Variants in LMNTD1 observed in about 807,000 individuals in gnomAD.
LMNTD1 encodes lamin tail domain-containing protein 1.
A neutral mutation model predicts 50.9 loss-of-function variants in LMNTD1; 35 were observed. The ratio of observed to expected loss-of-function variants is 0.69; its 90% CI spans 0.53 to 0.91. LMNTD1 has a LOEUF of 0.91. Ranked by LOEUF, LMNTD1 falls within the 40% of genes least tolerant of loss-of-function variation. The pLI, the probability that LMNTD1 is intolerant of heterozygous loss-of-function variation, is 0.00. For missense variants in LMNTD1, 470 were observed against 475.5 expected (o/e 0.99, Z 0.11); for synonymous variants, 153 against 161.9 (o/e 0.94, Z 0.42).
chr12:25,645,669 GAA>G (rs1248734413), intron 1 of LMNTD1, among the ~76,000 whole-genome samples: 3 of 152,184 alleles, frequency 2.0e-5, no homozygotes, highest in African/African-American at 7.2e-5. Context: ...ACAGCACAAG[GAA>G]AAGAGCTGGG....
At chr12:25,568,872 T>C (rs1944666262) in intron 1 of LMNTD1, among the ~76,000 whole-genome samples, 1 of 152,202 alleles carries the variant, frequency 6.6e-6, no homozygotes, top group African/African-American at 2.4e-5. Flanking sequence ...GAAAGCCTCC[T>C]AGGCTTCTGC....
At chr12:25,593,635 G>A (rs947691590) in intron 1 of LMNTD1, among the ~76,000 whole-genome samples, 3 of 151,942 alleles carry the variant, frequency 2.0e-5, no homozygotes, top group South Asian at 2.1e-4. Flanking sequence ...CTGGTAATAC[G>A]ACAAAATGAG....
chr12:25,509,119 T>A (rs1289399815), intron 8 of LMNTD1, among the ~76,000 whole-genome samples: 2 of 152,198 alleles, frequency 1.3e-5, no homozygotes, highest in Non-Finnish European at 2.9e-5. Context: ...TATCTTTTTG[T>A]TTTTTGAGAC....
At chr12:25,534,190 A>G (rs533724684) in intron 4 of LMNTD1, among the ~76,000 whole-genome samples, 9 of 151,966 alleles carry the variant, frequency 5.9e-5, no homozygotes, top group Middle Eastern at 6.8e-3. Flanking sequence ...ATCCCTAGAG[A>G]TAGTGGGTGG....
At chr12:25,553,932 A>G (rs1399042853), upstream of LMNTD1, among the ~76,000 whole-genome samples, 1 of 151,536 alleles carries the variant, frequency 6.6e-6, no homozygotes, top group Admixed American at 6.5e-5. Flanking sequence ...GGTACCATGA[A>G]TAAACAATAC....
At chr12:25,530,291 G>A (rs972943228) in intron 4 of LMNTD1, among the ~76,000 whole-genome samples, 4 of 152,008 alleles carry the variant, frequency 2.6e-5, no homozygotes, top group Non-Finnish European at 4.4e-5. Flanking sequence ...GTTTCTTATG[G>A]TATAGTTTAC....
At chr12:25,578,912 A>C (rs1945151251) in intron 1 of LMNTD1, among the ~76,000 whole-genome samples, 1 of 152,190 alleles carries the variant, frequency 6.6e-6, no homozygotes, top group African/African-American at 2.4e-5. Context: ...GCAATCTATA[A>C]ATTGACCCAA....
intron 1 of LMNTD1, among the ~76,000 whole-genome samples, chr12:25,591,585 C>T (rs779465027): frequency 2.0e-5 from 3 of 152,126 alleles, no homozygotes; most frequent in Non-Finnish European, 4.4e-5. Context: ...CCTGGGGGAA[C>T]TTGTCACCCT....
At chr12:25,486,367 A>G (rs1938641095) in intron 9 of LMNTD1, among the ~76,000 whole-genome samples, 1 of 151,834 alleles carries the variant, frequency 6.6e-6, no homozygotes, top group African/African-American at 2.4e-5. Context: ...GTATCCTGAG[A>G]CTCCTGAAGT....
At chr12:25,623,070 A>C (rs1048189046) in intron 1 of LMNTD1, among the ~76,000 whole-genome samples, 1 of 152,118 alleles carries the variant, frequency 6.6e-6, no homozygotes, top group Non-Finnish European at 1.5e-5. Context: ...CCAGAGGAAA[A>C]AAAATTAGAC....
chr12:25,520,139 G>GATATACATATATATATATATATATATAT (rs1941192749), intron 6 of LMNTD1, 64 bp from the exon 7 acceptor site: 1 of 149,920 alleles, frequency 6.7e-6, no homozygotes, highest in Non-Finnish European at 1.3e-5. Flanking sequence ...GCTGTTATGA[G>GATATACATATATATATATATATATATAT]ATATACATAT....
chr12:25,554,203 G>T, upstream of LMNTD1, among the ~76,000 whole-genome samples: 1 of 152,146 alleles, frequency 6.6e-6, no homozygotes, highest in South Asian at 2.1e-4. Context: ...GCTTAGTAAA[G>T]AATTAAAAAT....
chr12:25,486,685 AC>A (rs1405289556), intron 9 of LMNTD1, among the ~76,000 whole-genome samples: 1 of 150,226 alleles, frequency 6.7e-6, no homozygotes, highest in Non-Finnish European at 1.5e-5. Context: ...TCCCATCAAT[AC>A]CTAATTTATT....
In LMNTD1 at chr12:25,631,230, G is replaced by A. The variant is rs144523968; in HGVS notation, c.58+17264C>T. 1.9e-3 allele frequency among the ~76,000 whole-genome samples: 286 copies of A among 152,266 alleles called. 7 individuals are homozygous for A. The East Asian group carries it at 0.045, about 24-fold the overall frequency. Reference sequence around the variant, plus strand: ...ACCCACCCTGGTAGCAGAAGACCAAGGGCATATAATCTTGGGAGTTCTAGG... The same window carrying A: ...ACCCACCCTGGTAGCAGAAGACCAAAGGCATATAATCTTGGGAGTTCTAGG... On this transcript the variant is annotated intron_variant, in intron 1 of 7. Coordinates refer to the LMNTD1 transcript ENST00000445693.
chr12:25,507,908 A>G (rs1356135201), intron 8 of LMNTD1, among the ~76,000 whole-genome samples: 1 of 152,226 alleles, frequency 6.6e-6, no homozygotes. Context: ...TTCCCAAGAC[A>G]CTGCAACATA....
intron 9 of LMNTD1, among the ~76,000 whole-genome samples, chr12:25,480,997 G>C (rs1007345186): frequency 2.6e-5 from 4 of 152,130 alleles, no homozygotes; most frequent in Non-Finnish European, 4.4e-5. Flanking sequence ...TCTACTGGTT[G>C]CCTCTCTGAT....
At position 25,552,889 on chromosome 12, in the gene LMNTD1, T is replaced by G; in HGVS notation, c.71A>C (p.Lys24Thr). The G allele has an allele frequency of 1.3e-6, 2 of 1,549,246 alleles. No individual in the cohort carries two copies. Reference protein sequence around the residue: ...MQNKVHEQEDKNEKQKQREDK... With the variant: ...MQNKVHEQEDTNEKQKQREDK... Reference sequence around the variant, plus strand: ...TGCTCACTGTTTTTGTTTCTCATTCTTATCTTCCTGCTCATGGACTTTATT... The same window carrying G: ...TGCTCACTGTTTTTGTTTCTCATTCGTATCTTCCTGCTCATGGACTTTATT... The change falls in exon 2 of 10, where the codon AAG (lysine) becomes ACG (threonine). Residue 24 changes from lysine (K) to threonine (T), a missense_variant. Coordinates refer to ENST00000458174, the MANE Select transcript of LMNTD1 (RefSeq NM_001145728.2).
At chr12:25,624,648 T>C (rs149171197) in intron 1 of LMNTD1, among the ~76,000 whole-genome samples, 23 of 152,254 alleles carry the variant, frequency 1.5e-4, no homozygotes, top group African/African-American at 5.5e-4. Context: ...CACATTCAAA[T>C]AGAGTATAAG....
Position 25,526,767 on chromosome 12 carries a change from A to G in LMNTD1, c.678+2T>C. 1.9e-6 allele frequency: 3 copies of G among 1,593,870 alleles called. No individual in the cohort carries two copies. The highest frequency in any genetic ancestry group is 2.6e-6 in the Non-Finnish European group (3 of 1,166,300). On this transcript the variant is annotated splice_donor_variant, in intron 5 of 9. Transcript: ENST00000458174. LOFTEE classifies it high-confidence loss of function. ...GTACAGTATTTATACTCTTATACTCACTGTTACTGTGGAATTTGCCTGCAT... is the reference window on the plus strand; with the variant it reads ...GTACAGTATTTATACTCTTATACTCGCTGTTACTGTGGAATTTGCCTGCAT...
Sources: allele counts gnomAD v4.1 joint callset (sites outside exome capture counted in the v4.1 genomes callset), GRCh38; gene constraint gnomAD v4.1.1; transcripts MANE v1.5; gene names NCBI Gene and HGNC (gene_info 2026-07-23, HGNC 2026-07-21).